COX8C: variants seen among roughly 807,000 people sequenced by gnomAD.
COX8C encodes cytochrome c oxidase subunit 8C, also known as cytochrome c oxidase subunit 8C, mitochondrial.
A neutral mutation model predicts 3.5 loss-of-function variants in COX8C; 3 were observed. The ratio of observed to expected loss-of-function variants is 0.86; its 90% CI spans 0.39 to 2.24. The LOEUF (loss-of-function observed/expected upper bound fraction) is 2.24. COX8C is among the 30% of genes most tolerant of loss of function. The probability of loss-of-function intolerance (pLI) is 0.05; values close to 1 mark genes in which losing one functional copy is unlikely to be tolerated. For missense variants in COX8C, 113 were observed against 102.5 expected, an observed-to-expected ratio of 1.10 and a Z score of -0.44; for synonymous variants, 46 against 44.1, an observed-to-expected ratio of 1.04 and a Z score of -0.17.
chr14:93,348,048 GGT>G lies in COX8C; in HGVS notation c.150_151del (p.Phe52TyrfsTer25). The G allele has an allele frequency of 6.2e-7, 1 of 1,611,290 alleles. No individual in the cohort carries two copies. The highest frequency in any genetic ancestry group is 1.3e-5 in the African/African-American group (1 of 74,952). On this transcript the variant is annotated frameshift_variant, in exon 2 of 2. Coordinates refer to ENST00000342144, the MANE Select transcript of COX8C (RefSeq NM_182971.3). LOFTEE classifies it low-confidence loss of function (END_TRUNC). ...SAAEMAVGLV[V>X]FFTTFLTPAA... Reference sequence around the variant, plus strand: ...TCCAGGAAATGGCTGTTGGACTTGTGGTGTTTTTTACGACCTTCTTAACACCA... The same window carrying G: ...TCCAGGAAATGGCTGTTGGACTTGTGGTTTTTTACGACCTTCTTAACACCA...
chr14:93,347,329 G>C lies in COX8C; in HGVS notation c.61G>C (p.Gly21Arg). 1 of 1,602,728 alleles carries C rather than the reference G, an allele frequency of 6.2e-7. No homozygotes were observed. Among genetic ancestry groups the C allele is most frequent in the Non-Finnish European group, 8.5e-7 (1 of 1,177,740 alleles). ...CCACTACCGCCGCTTGGCCCTGCTC[G>C]GCCTGCAGCCCGCTCCCCGCTTCGC... ...RRHYRRLALL[G>R]LQPAPRFAHS... is the part of the protein sequence containing the mutation. The change falls in exon 1 of 2, where the codon GGC becomes CGC. Residue 21 changes from glycine to arginine, a missense_variant. Gly to Arg is a moderately radical substitution (Grantham distance 125). Coordinates refer to ENST00000342144, the MANE Select transcript of COX8C (RefSeq NM_182971.3).
chr14:93,347,217 G>A lies in COX8C; in HGVS notation c.-52G>A. On this transcript the variant is annotated 5_prime_UTR_variant, in exon 1 of 2. Coordinates refer to ENST00000342144, the MANE Select transcript of COX8C (RefSeq NM_182971.3). ...CGAGCACTGGAGCTTGCGTTACTTG[G>A]CCTCACCTCACCTGTGCTGTCCACG... 2 of 1,527,884 alleles carry A rather than the reference G, an allele frequency of 1.3e-6. No homozygotes were observed. The highest frequency in any genetic ancestry group is 1.2e-5 in the South Asian group (1 of 82,042). The allele number at this position is 1,527,884 out of a possible 1,614,324, so 94.6% of individuals were successfully genotyped here. A position where few individuals can be genotyped will look rare whatever the true frequency, so the allele number is the denominator to read the frequency against.
chr14:93,347,473 A>T (rs2053878994), intron 1 of COX8C, 79 bp downstream of exon 1: 1 of 1,364,748 alleles, frequency 7.3e-7, no homozygotes, highest in Admixed American at 3.4e-5. Context: ...GGGAGAAGGG[A>T]GGACACGGCG....
rs1432209183 is a variant in COX8C, at chr14:93,348,035, C to CTTGTTG, written c.135_136insTGTTGT (p.Ala45_Val46insCysCys). ...TGTCATCTTCTCTTCCAGGAAATGG[C>CTTGTTG]TGTTGGACTTGTGGTGTTTTTTACG... On this transcript the variant is annotated inframe_insertion, in exon 2 of 2. Transcript: ENST00000342144. 6.2e-7 allele frequency: 1 copy of CTTGTTG among 1,605,848 alleles called. No individual in the cohort carries two copies. Among genetic ancestry groups the CTTGTTG allele is most frequent in the East Asian group, 2.2e-5 (1 of 44,826 alleles).
intron 1 of COX8C, 96 bp downstream of exon 1, chr14:93,347,490 C>A: frequency 7.6e-7 from 1 of 1,309,560 alleles, no homozygotes; most frequent in Non-Finnish European, 9.8e-7. Flanking sequence ...GGCGTGCAGG[C>A]CTCGCGTGGG....
chr14:93,347,232 T>C lies in COX8C; in HGVS notation c.-37T>C, dbSNP rs1246124478. 1.3e-6 allele frequency: 2 copies of C among 1,571,312 alleles called. No individual in the cohort carries two copies. The highest frequency in any genetic ancestry group is 2.7e-5 in the African/African-American group (2 of 73,072). On this transcript the variant is annotated 5_prime_UTR_variant, in exon 1 of 2. Coordinates refer to ENST00000342144, the MANE Select transcript of COX8C (RefSeq NM_182971.3). ...GCGTTACTTGGCCTCACCTCACCTG[T>C]GCTGTCCACGCCTGGCTTTGTCTCA...
Position 93,347,358 on chromosome 14 carries a change from C to T in COX8C, c.90C>T (p.His30=), listed in dbSNP as rs61759493. The change falls in exon 1 of 2, where the codon CAC becomes CAT. Residue 30 remains histidine (H), a synonymous_variant. Transcript: ENST00000342144. ...TGCAGCCCGCTCCCCGCTTCGCCCA[C>T]TCGGGGCCCCCGCGCCAGCGGCCCC... The part of the protein sequence containing the change: ...LGLQPAPRFA[H]SGPPRQRPLS... 1.0e-5 allele frequency: 16 copies of T among 1,586,246 alleles called. No individual in the cohort carries two copies. The highest frequency in any genetic ancestry group is 1.4e-5 in the Non-Finnish European group (16 of 1,171,782).
intron 1 of COX8C, among the ~76,000 whole-genome samples, 198 bp downstream of exon 1, chr14:93,347,592 CCGT>C (rs1201884102): frequency 6.6e-6 from 1 of 151,972 alleles, no homozygotes; most frequent in African/African-American, 2.4e-5. Context: ...GGTGAGGATG[CCGT>C]CGTCGGGCAC....
At position 93,347,352 on chromosome 14, in the gene COX8C, C is replaced by T. The variant is rs1389396955; in HGVS notation, c.84C>T (p.Phe28=). 1 of 1,593,868 alleles carries T rather than the reference C, an allele frequency of 6.3e-7. No homozygotes were observed. The highest frequency in any genetic ancestry group is 1.7e-5 in the Admixed American group (1 of 59,126). Residue 28 remains phenylalanine (F), a synonymous_variant, in exon 1 of 2, where the codon TTC becomes TTT. Transcript: ENST00000342144. The part of the protein sequence containing the change: ...ALLGLQPAPR[F]AHSGPPRQRP... Reference sequence around the variant, plus strand: ...TCGGCCTGCAGCCCGCTCCCCGCTTCGCCCACTCGGGGCCCCCGCGCCAGC... The same window carrying T: ...TCGGCCTGCAGCCCGCTCCCCGCTTTGCCCACTCGGGGCCCCCGCGCCAGC...
At chr14:93,347,520 G>A in intron 1 of COX8C, 126 bp downstream of exon 1, 1 of 1,152,372 alleles carries the variant, frequency 8.7e-7, no homozygotes, top group Non-Finnish European at 1.1e-6. Flanking sequence ...TGGCTTGGTC[G>A]CCGTTGGGGG....
Position 93,348,187 on chromosome 14 carries a change from A to C in COX8C, c.*67A>C. ...TTCAGAAAAAGCTGTGTTTTTGTTA[A>C]CGAGCAAAATTGCCTAGTTGAGTTG... On this transcript the variant is annotated 3_prime_UTR_variant, in exon 2 of 2. Transcript: ENST00000342144. The C allele has an allele frequency of 1.0e-6, 1 of 976,590 alleles. No homozygotes were observed. Among genetic ancestry groups the C allele is most frequent in the Non-Finnish European group, 1.7e-6 (1 of 605,684 alleles). The allele number at this position is 976,590 out of a possible 1,614,324, so 60.5% of individuals were successfully genotyped here. A position where few individuals can be genotyped will look rare whatever the true frequency, so the allele number is the denominator to read the frequency against.
rs772649433 is a variant in COX8C, at chr14:93,347,285, G to A, written c.17G>A (p.Gly6Glu). 1 of 1,605,092 alleles carries A rather than the reference G, an allele frequency of 6.2e-7. No homozygotes were observed. The highest frequency in any genetic ancestry group is 1.7e-5 in the Admixed American group (1 of 59,606). ...TGACGCGATATGCCTCTCCTGCGTGGGCGCTGTCCTGCCCGCCGCCACTAC... is the reference window on the plus strand; with the variant it reads ...TGACGCGATATGCCTCTCCTGCGTGAGCGCTGTCCTGCCCGCCGCCACTAC... MPLLR[G>E]RCPARRHYRR... Residue 6 changes from glycine (G) to glutamate (E), a missense_variant, in exon 1 of 2, where the codon GGG becomes GAG. Coordinates refer to ENST00000342144, the MANE Select transcript of COX8C (RefSeq NM_182971.3).
chr14:93,348,001 A>G lies in COX8C; in HGVS notation c.127-27A>G, dbSNP rs774353330. The G allele has an allele frequency of 3.5e-6, 5 of 1,419,852 alleles. No homozygotes were observed. The Admixed American group carries it at 6.7e-5, about 19-fold the overall frequency. The allele number at this position is 1,419,852 out of a possible 1,614,324, so 88.0% of individuals were successfully genotyped here. On this transcript the variant is annotated intron_variant, in intron 1 of 1. Coordinates refer to ENST00000342144, the MANE Select transcript of COX8C (RefSeq NM_182971.3). The stretch of plus-strand genomic sequence containing the variant: ...GTCACTGGCCTAGGAAGCCATACTC[A>G]GCAGCGCGTGTCATCTTCTCTTCCA...
Position 93,348,190 on chromosome 14 carries a change from A to T in COX8C, c.*70A>T. 1.1e-6 allele frequency: 1 copy of T among 914,196 alleles called. No individual in the cohort carries two copies. The highest frequency in any genetic ancestry group is 1.3e-5 in the South Asian group (1 of 74,588). The allele number at this position is 914,196 out of a possible 1,614,324, so 56.6% of individuals were successfully genotyped here. A position where few individuals can be genotyped will look rare whatever the true frequency, so the allele number is the denominator to read the frequency against. On this transcript the variant is annotated 3_prime_UTR_variant, in exon 2 of 2. Transcript: ENST00000342144. Reference sequence around the variant, plus strand: ...AGAAAAAGCTGTGTTTTTGTTAACGAGCAAAATTGCCTAGTTGAGTTGATG... The same window carrying T: ...AGAAAAAGCTGTGTTTTTGTTAACGTGCAAAATTGCCTAGTTGAGTTGATG...
chr14:93,347,437 G>T, intron 1 of COX8C, 43 bp downstream of exon 1: 1 of 1,417,708 alleles, frequency 7.1e-7, no homozygotes, highest in East Asian at 2.8e-5. Flanking sequence ...GAAGCGCGTG[G>T]CCCTGGCGGG....
At position 93,347,341 on chromosome 14, in the gene COX8C, G is replaced by C; in HGVS notation, c.73G>C (p.Ala25Pro). The change falls in exon 1 of 2, where the codon GCT (alanine) becomes CCT (proline). Residue 25 changes from alanine to proline, a missense_variant. Coordinates refer to ENST00000342144, the MANE Select transcript of COX8C (RefSeq NM_182971.3). ...CTTGGCCCTGCTCGGCCTGCAGCCCGCTCCCCGCTTCGCCCACTCGGGGCC... is the reference window on the plus strand; with the variant it reads ...CTTGGCCCTGCTCGGCCTGCAGCCCCCTCCCCGCTTCGCCCACTCGGGGCC... ...RRLALLGLQP[A>P]PRFAHSGPPR... 6.5e-7 allele frequency: 1 copy of C among 1,540,932 alleles called. No individual in the cohort carries two copies. The highest frequency in any genetic ancestry group is 8.7e-7 in the Non-Finnish European group (1 of 1,143,164).
At position 93,348,008 on chromosome 14, in the gene COX8C, CGT is replaced by C; in HGVS notation, c.127-17_127-16del. 6.7e-7 allele frequency: 1 copy of C among 1,485,550 alleles called. No homozygotes were observed. Among genetic ancestry groups the C allele is most frequent in the Non-Finnish European group, 9.4e-7 (1 of 1,062,866 alleles). The allele number at this position is 1,485,550 out of a possible 1,614,324, so 92.0% of individuals were successfully genotyped here. On this transcript the variant is annotated intron_variant, in intron 1 of 1. Transcript: ENST00000342144. ...GCCTAGGAAGCCATACTCAGCAGCGCGTGTCATCTTCTCTTCCAGGAAATGGC... is the reference window on the plus strand; with the variant it reads ...GCCTAGGAAGCCATACTCAGCAGCGCGTCATCTTCTCTTCCAGGAAATGGC...
At position 93,347,409 on chromosome 14, in the gene COX8C, A is replaced by G. The variant is rs2053876028; in HGVS notation, c.126+15A>G. On this transcript the variant is annotated intron_variant, in intron 1 of 1. Coordinates refer to ENST00000342144, the MANE Select transcript of COX8C (RefSeq NM_182971.3). ...TGTCTGCCGCGGTGAGTTGAGGCCC[A>G]GCCATCATGGTGGGCGGGAAGCGCG... 6.8e-7 allele frequency: 1 copy of G among 1,461,818 alleles called. No individual in the cohort carries two copies. Among genetic ancestry groups the G allele is most frequent in the African/African-American group, 1.5e-5 (1 of 68,808 alleles). The allele number at this position is 1,461,818 out of a possible 1,614,324, so 90.6% of individuals were successfully genotyped here. A position where few individuals can be genotyped will look rare whatever the true frequency, so the allele number is the denominator to read the frequency against.
Position 93,348,146 on chromosome 14 carries a change from T to TGACGTCC in COX8C, c.*26_*27insGACGTCC. 1 of 1,420,388 alleles carries TGACGTCC rather than the reference T, an allele frequency of 7.0e-7. No homozygotes were observed. The highest frequency in any genetic ancestry group is 9.9e-7 in the Non-Finnish European group (1 of 1,006,700). 88.0% of individuals were successfully genotyped at this position (1,420,388 alleles called of 1,614,324 possible). On this transcript the variant is annotated 3_prime_UTR_variant, in exon 2 of 2. Transcript: ENST00000342144. ...ATGGAAGATGATGTTGAACAGCTGT[T>TGACGTCC]AACGTCCAAAAAACTTTCAGAAAAA... is the stretch of plus-strand genomic sequence containing the variant.
Sources: allele counts gnomAD v4.1 joint callset (sites outside exome capture counted in the v4.1 genomes callset), GRCh38; gene constraint gnomAD v4.1.1; transcripts MANE v1.5; gene names NCBI Gene and HGNC (gene_info 2026-07-23, HGNC 2026-07-21).